Variants in ABLIM1 observed in about 807,000 individuals in gnomAD.
ABLIM1 encodes the protein actin-binding LIM protein 1.
In ABLIM1, 40 loss-of-function variants were observed where a neutral mutation model predicts 107.0. The ratio of observed to expected loss-of-function variants is 0.37; its 90% CI spans 0.29 to 0.49. The LOEUF (loss-of-function observed/expected upper bound fraction) is 0.49, where lower values mean the gene tolerates loss of function less well. Among genes scored for constraint, ABLIM1 ranks in the 20% least tolerant of loss-of-function variants. ABLIM1 has a pLI of 0.97. For missense variants in ABLIM1, 857 were observed against 1,008.5 expected, an observed-to-expected ratio of 0.85 and a Z score of 2.04; for synonymous variants, 357 against 357.3, an observed-to-expected ratio of 1.00 and a Z score of 0.01.
At chr10:114,608,707 A>G (rs905918261) in intron 1 of ABLIM1, among the ~76,000 whole-genome samples, 44 of 151,486 alleles carry the variant, frequency 2.9e-4, no homozygotes, top group Admixed American at 2.6e-3. Context: ...AAACAAAATA[A>G]AGCTTATTTT....
chr10:114,502,311 G>C (rs9421177), intron 6 of ABLIM1: 48,490 of 158,698 alleles, frequency 0.31, 8,038 homozygotes, highest in East Asian at 0.62. Flanking sequence ...CCCTGACCAG[G>C]CATTTCCTTT....
chr10:114,621,645 C>T (rs1487712634), intron 1 of ABLIM1, among the ~76,000 whole-genome samples: 1 of 152,262 alleles, frequency 6.6e-6, no homozygotes, highest in Middle Eastern at 3.4e-3. Flanking sequence ...TCCTTAGAAC[C>T]CCCATAGAAG....
At chr10:114,769,463 GAA>G (rs1279593728), upstream of ABLIM1, among the ~76,000 whole-genome samples, 104 of 76,102 alleles carry the variant, frequency 1.4e-3, no homozygotes, top group Middle Eastern at 0.022. Context: ...AAGAAAGAAA[GAA>G]AGAAAGAAAG....
chr10:114,524,228 T>C (rs1429893654), intron 6 of ABLIM1, among the ~76,000 whole-genome samples: 1 of 152,200 alleles, frequency 6.6e-6, no homozygotes, highest in Non-Finnish European at 1.5e-5. Context: ...TACTATATTC[T>C]TGGAGAAACA....
chr10:114,734,784 G>A (rs1042190583), intron 1 of ABLIM1, among the ~76,000 whole-genome samples: 1 of 152,180 alleles, frequency 6.6e-6, no homozygotes, highest in Non-Finnish European at 1.5e-5. Flanking sequence ...TTTCCTGAGG[G>A]TTGGGTTTCT....
Position 114,434,330 on chromosome 10 carries a change from C to CAA in ABLIM1, c.*1929_*1930insTT, listed in dbSNP as rs59678354. On this transcript the variant is annotated 3_prime_UTR_variant, in exon 23 of 23. Transcript: ENST00000533213. The stretch of plus-strand genomic sequence containing the variant: ...ACACACACACACACACACACACACA[C>CAA]GAGAGTAGTCCTCATTCAGTGCATA... 5 of 146,390 alleles carry CAA rather than the reference C, an allele frequency of 3.4e-5. No individual in the cohort carries two copies. In the South Asian group the frequency reaches 8.8e-4, roughly 26 times the overall value. The allele number at this position is 146,390 out of a possible 1,614,324, so 9.1% of individuals were successfully genotyped here.
intron 1 of ABLIM1, among the ~76,000 whole-genome samples, chr10:114,642,156 A>G (rs1263306123): frequency 6.6e-6 from 1 of 152,088 alleles, no homozygotes; most frequent in Non-Finnish European, 1.5e-5. Context: ...GCTTCCAAAA[A>G]TGGTGGGATT....
chr10:114,468,097 C>A (rs1323414557), intron 11 of ABLIM1, 84 bp downstream of exon 11: 6 of 1,278,024 alleles, frequency 4.7e-6, no homozygotes, highest in Non-Finnish European at 6.8e-6. Flanking sequence ...ATGTTATGTT[C>A]TTTTTCAAAA....
chr10:114,764,644 T>C (rs2082839858), intron 1 of ABLIM1: 1 of 152,262 alleles, frequency 6.6e-6, no homozygotes, highest in Non-Finnish European at 1.5e-5. Flanking sequence ...ACCCGGCCAA[T>C]TGATTTCATT....
chr10:114,697,396 A>G lies in ABLIM1; in HGVS notation c.-213+70665T>C, dbSNP rs116580159. Among the ~76,000 whole-genome samples the G allele has an allele frequency of 5.9e-3, 906 of 152,354 alleles. 14 individuals carry two copies. The highest frequency in any genetic ancestry group is 0.021 in the African/African-American group (867 of 41,590). The stretch of plus-strand genomic sequence containing the variant: ...CTGGGGCAAGTGGTGATCAGCCCTC[A>G]GGAGCTGGCACGCGGTTTTCGAAGC... On this transcript the variant is annotated intron_variant, in intron 1 of 15. Coordinates refer to the ABLIM1 transcript ENST00000651092.
chr10:114,782,373 G>C, the ABLIM1 span, among the ~76,000 whole-genome samples: 9 of 152,002 alleles, frequency 5.9e-5, no homozygotes, highest in Admixed American at 2.0e-4. Context: ...AAATTGATTG[G>C]GTAATTAAGG....
rs753025108 is a variant in ABLIM1 at position 114,447,904 on chromosome 10, C to T, written c.1711G>A (p.Gly571Ser). 6.2e-7 allele frequency: 1 copy of T among 1,613,982 alleles called. No individual in the cohort carries two copies. The highest frequency in any genetic ancestry group is 1.3e-5 in the African/African-American group (1 of 74,898). Reference protein sequence around the residue: ...TPKIETDHWPGPPSFAVVGPD... With the variant: ...TPKIETDHWPSPPSFAVVGPD... The stretch of plus-strand genomic sequence containing the variant: ...CCTACGACAGCAAATGAGGGGGGAC[C>T]AGGCCAGTGGTCCGTCTCAATCTTT... Residue 571 changes from glycine (G) to serine (S), a missense_variant, in exon 15 of 23, where the codon GGT (glycine) becomes AGT (serine). By Grantham distance (56) the Gly-to-Ser change is moderately conservative (BLOSUM62 0). Transcript: ENST00000533213.
intron 1 of ABLIM1, among the ~76,000 whole-genome samples, chr10:114,636,499 T>C (rs2078486187): frequency 6.6e-6 from 1 of 152,262 alleles, no homozygotes; most frequent in Admixed American, 6.5e-5. Flanking sequence ...TGTGCATTTC[T>C]GGTGTTTAGC....
chr10:114,477,671 T>C (rs2056684426), intron 8 of ABLIM1, among the ~76,000 whole-genome samples: 1 of 152,178 alleles, frequency 6.6e-6, no homozygotes, highest in South Asian at 2.1e-4. Context: ...AAGAGCTTCG[T>C]GGGCAGTAAA....
intron 1 of ABLIM1, among the ~76,000 whole-genome samples, chr10:114,720,691 A>G (rs1402112336): frequency 6.6e-6 from 1 of 152,158 alleles, no homozygotes; most frequent in Non-Finnish European, 1.5e-5. Context: ...AGCCTGGATC[A>G]ACTATGGGAG....
rs186511368 is a variant in ABLIM1 at position 114,603,769 on chromosome 10, C to A, written c.245-1808G>T. On this transcript the variant is annotated intron_variant, in intron 1 of 22. Coordinates refer to ENST00000533213, the MANE Select transcript of ABLIM1 (RefSeq NM_002313.7). ...AGGACTTCGAGACCAGCCTGGCCAA[C>A]ACGGTGAAACCCCGTCTCTACTAAA... Among the ~76,000 whole-genome samples, 902 of 151,958 alleles carry A rather than the reference C, an allele frequency of 5.9e-3. 12 individuals carry two copies. The highest frequency in any genetic ancestry group is 0.021 in the African/African-American group (860 of 41,466).
intron 1 of ABLIM1, among the ~76,000 whole-genome samples, chr10:114,674,162 C>A (rs562287447): frequency 6.6e-6 from 1 of 151,754 alleles, no homozygotes; most frequent in Non-Finnish European, 1.5e-5. Flanking sequence ...TGGTGGCATG[C>A]GCCTGTAGTC....
intron 7 of ABLIM1, among the ~76,000 whole-genome samples, chr10:114,490,875 C>T (rs1210126792): frequency 6.7e-6 from 1 of 148,918 alleles, no homozygotes; most frequent in Non-Finnish European, 1.5e-5. Context: ...CGCTATATTG[C>T]CCAGGCACGT....
intron 1 of ABLIM1, among the ~76,000 whole-genome samples, chr10:114,623,894 C>A (rs895421352): frequency 6.6e-6 from 1 of 152,358 alleles, no homozygotes; most frequent in African/African-American, 2.4e-5. Flanking sequence ...CACAAACTCA[C>A]CCCTGTTCCA....
Sources: gnomAD v4.1 joint callset for allele counts (sites outside exome capture counted in the v4.1 genomes callset) on GRCh38, gnomAD v4.1.1 for gene constraint, MANE v1.5 for transcripts, NCBI Gene and HGNC (gene_info 2026-07-23, HGNC 2026-07-21) for gene names.